Variants in MED26 observed in about 807,000 individuals in gnomAD.
MED26 encodes mediator complex subunit 26, also known as mediator of RNA polymerase II transcription subunit 26.
A neutral mutation model predicts 43.7 loss-of-function variants in MED26; 7 were observed. The observed-to-expected ratio is 0.16, with a 90% CI of 0.09 to 0.30. The LOEUF (loss-of-function observed/expected upper bound fraction) is 0.30. MED26 is among the 10% of genes least tolerant of loss of function. MED26 has a pLI of 1.00. For synonymous variants in MED26, 375 were observed against 371.1 expected (o/e 1.01, Z -0.12); for missense variants, 784 against 840.6 (o/e 0.93, Z 0.83).
chr19:16,607,057 G>T (rs951550144), intron 1 of MED26, among the ~76,000 whole-genome samples: 9 of 152,068 alleles, frequency 5.9e-5, no homozygotes, highest in Non-Finnish European at 1.3e-4. Context: ...AAATAAGAAC[G>T]TTGGCCAGGC....
chr19:16,592,528 T>C (rs746451833), intron 1 of MED26, among the ~76,000 whole-genome samples: 4 of 152,160 alleles, frequency 2.6e-5, no homozygotes, highest in Non-Finnish European at 4.4e-5. Flanking sequence ...TCCCAGAGGA[T>C]GTTAGCAAAT....
intron 1 of MED26, among the ~76,000 whole-genome samples, chr19:16,619,409 A>G (rs919993452): frequency 5.9e-5 from 9 of 152,316 alleles, no homozygotes; most frequent in Non-Finnish European, 1.3e-4. Context: ...GGGAACGAGG[A>G]TGTGGCCACC....
At chr19:16,598,242 C>A (rs2086131432) in intron 1 of MED26, among the ~76,000 whole-genome samples, 1 of 144,282 alleles carries the variant, frequency 6.9e-6, no homozygotes, top group African/African-American at 2.6e-5. Flanking sequence ...GAAGCTGACG[C>A]AGGAGAATGG....
chr19:16,575,893 C>T lies in MED26; in HGVS notation c.*134G>A. On this transcript the variant is annotated 3_prime_UTR_variant, in exon 3 of 3. Coordinates refer to ENST00000263390, the MANE Select transcript of MED26 (RefSeq NM_004831.5). Reference sequence around the variant, plus strand: ...CAGAGAGACCGCGTGACTCCCGCCCCCTCCCTCCCGCCTGGGCCGGACTCC... The same window carrying T: ...CAGAGAGACCGCGTGACTCCCGCCCTCTCCCTCCCGCCTGGGCCGGACTCC... The T allele has an allele frequency of 2.8e-6, 2 of 716,796 alleles. No homozygotes were observed. The highest frequency in any genetic ancestry group is 3.7e-5 in the South Asian group (2 of 54,598). 44.4% of individuals were successfully genotyped at this position (716,796 alleles called of 1,614,324 possible).
intron 1 of MED26, chr19:16,612,169 C>T (rs138596405): frequency 4.6e-5 from 7 of 152,342 alleles, no homozygotes; most frequent in African/African-American, 1.4e-4. Flanking sequence ...GATTACCCAC[C>T]AAGGCCATTC....
intron 1 of MED26, among the ~76,000 whole-genome samples, chr19:16,580,191 C>T (rs1000766662): frequency 1.3e-5 from 2 of 152,184 alleles, no homozygotes; most frequent in African/African-American, 4.8e-5. Flanking sequence ...ACATCCTTGC[C>T]AAGACTGCGT....
At chr19:16,592,637 AGT>A (rs1480031173) in intron 1 of MED26, among the ~76,000 whole-genome samples, 1 of 152,196 alleles carries the variant, frequency 6.6e-6, no homozygotes, top group Non-Finnish European at 1.5e-5. Flanking sequence ...CTTCATAACC[AGT>A]GTCCCCACCT....
Position 16,576,926 on chromosome 19 carries a change from G to A in MED26, c.904C>T (p.Pro302Ser). ...GTGGCATCGAGTGCCTGGGGCCGCG[G>A]TGAGGGGCTGGGCACGGAGCCCTTG... is the stretch of plus-strand genomic sequence containing the variant. ...APKGSVPSPSPRPQALDATQV... is the reference protein window; with the variant it reads ...APKGSVPSPSSRPQALDATQV... The change falls in exon 3 of 3, where the codon CCG (proline) becomes TCG (serine). Residue 302 changes from proline to serine, a missense_variant. Physicochemically the swap from Pro to Ser is moderately conservative, Grantham distance 74 (BLOSUM62 -1). This residue lies in a region of MED26 where 719 missense variants were observed against 730.9 expected (regional missense o/e 0.98). Transcript: ENST00000263390. The surrounding 1 kb of genome is among the most constrained non-coding windows in gnomAD (Gnocchi z 6.8). 6.3e-7 allele frequency: 1 copy of A among 1,596,716 alleles called. No homozygotes were observed. The highest frequency in any genetic ancestry group is 8.5e-7 in the Non-Finnish European group (1 of 1,169,958).
intron 1 of MED26, among the ~76,000 whole-genome samples, chr19:16,608,930 G>A (rs2086186250): frequency 6.6e-6 from 1 of 152,176 alleles, no homozygotes; most frequent in Non-Finnish European, 1.5e-5. Context: ...ATTACATTGG[G>A]AACAGGACAA....
intron 1 of MED26, among the ~76,000 whole-genome samples, chr19:16,584,353 G>A (rs562116623): frequency 6.7e-6 from 1 of 149,856 alleles, no homozygotes; most frequent in South Asian, 2.1e-4. Flanking sequence ...AAAGGCTTCC[G>A]GAAAGGCTGG....
chr19:16,626,332 G>A (rs1311971028), intron 1 of MED26, among the ~76,000 whole-genome samples: 2 of 152,140 alleles, frequency 1.3e-5, no homozygotes, highest in Non-Finnish European at 2.9e-5. Context: ...CATGTCACTA[G>A]TTTTATCCTC....
At chr19:16,606,990 C>T (rs1301556581) in intron 1 of MED26, among the ~76,000 whole-genome samples, 4 of 152,112 alleles carry the variant, frequency 2.6e-5, no homozygotes, top group Non-Finnish European at 5.9e-5. Flanking sequence ...CCCAAAGTGT[C>T]GGGATTACAA....
At chr19:16,612,488 G>T (rs1440804006) in intron 1 of MED26, among the ~76,000 whole-genome samples, 1 of 151,450 alleles carries the variant, frequency 6.6e-6, no homozygotes, top group Admixed American at 6.6e-5. Context: ...GTGTCACTAT[G>T]TTGCCAAGGT....
chr19:16,609,313 A>G (rs1455580147), intron 1 of MED26, among the ~76,000 whole-genome samples: 1 of 134,146 alleles, frequency 7.5e-6, no homozygotes, highest in Non-Finnish European at 1.5e-5. Context: ...CTCCGTCTCA[A>G]AAAAAAAAAA....
At position 16,628,114 on chromosome 19, in the gene MED26, G is replaced by A. The variant is rs2086292298; in HGVS notation, c.-171C>T. ...GAGAGGGGAGCCGGGGCCGGGTCTC[G>A]GTCCCGGGCCGCCGCCGCCACCAAA... On this transcript the variant is annotated 5_prime_UTR_variant, in exon 1 of 3. Transcript: ENST00000263390. 6 of 377,234 alleles carry A rather than the reference G, an allele frequency of 1.6e-5. No individual in the cohort carries two copies. The South Asian group carries it at 6.2e-4, about 39-fold the overall frequency. The allele number at this position is 377,234 out of a possible 1,614,324, so 23.4% of individuals were successfully genotyped here.
chr19:16,609,311 CAAAAA>C lies in MED26; in HGVS notation c.72+18556_72+18560del, dbSNP rs777358965. Among the ~76,000 whole-genome samples, 204 of 25,018 alleles carry C rather than the reference CAAAAA, an allele frequency of 8.2e-3. 3 individuals are homozygous for C. The highest frequency in any genetic ancestry group is 0.023 in the African/African-American group (200 of 8,752). The allele number at this position is 25,018 out of a possible 152,430, so 16.4% of individuals were successfully genotyped here. ...TGGGTGACAGAGCGAGACTCCGTCT[CAAAAA>C]AAAAAAAAAAAAAAAAAAAAAGAGA... On this transcript the variant is annotated intron_variant, in intron 1 of 2. Coordinates refer to ENST00000263390, the MANE Select transcript of MED26 (RefSeq NM_004831.5).
At position 16,577,812 on chromosome 19, in the gene MED26, C is replaced by T. The variant is rs1471470528; in HGVS notation, c.148-130G>A. The T allele has an allele frequency of 6.3e-6, 4 of 632,408 alleles. No homozygotes were observed. The African/African-American group carries it at 7.5e-5, about 12-fold the overall frequency. The allele number at this position is 632,408 out of a possible 1,614,324, so 39.2% of individuals were successfully genotyped here. ...CCACTGAGCCCTAAACTGCCAGCTT[C>T]CCTGACACAAAACTTCTGGGGATTT... On this transcript the variant is annotated intron_variant, in intron 2 of 2. Coordinates refer to ENST00000263390, the MANE Select transcript of MED26 (RefSeq NM_004831.5). This position sits in a 1 kb window ranked among gnomAD's most constrained non-coding sequence, Gnocchi z 8.1.
At position 16,608,928 on chromosome 19, in the gene MED26, G is replaced by A. The variant is rs550653208; in HGVS notation, c.72+18944C>T. ...GTGTCATGCCTGAAGTCATTACATT[G>A]GGAACAGGACAATTGAGAAAATATT... On this transcript the variant is annotated intron_variant, in intron 1 of 2. Transcript: ENST00000263390. 3.1e-3 allele frequency among the ~76,000 whole-genome samples: 473 copies of A among 152,310 alleles called. 4 individuals are homozygous for A. Among genetic ancestry groups the A allele is most frequent in the African/African-American group, 0.011 (450 of 41,558 alleles).
rs1455206797 is a variant in MED26 at position 16,587,694 on chromosome 19, T to G, written c.73-9285A>C. 1 of 152,308 alleles carries G rather than the reference T, an allele frequency of 6.6e-6. No homozygotes were observed. The highest frequency in any genetic ancestry group is 1.9e-4 in the East Asian group (1 of 5,208). The allele number at this position is 152,308 out of a possible 1,614,324, so 9.4% of individuals were successfully genotyped here. A position where few individuals can be genotyped will look rare whatever the true frequency, so the allele number is the denominator to read the frequency against. On this transcript the variant is annotated intron_variant, in intron 1 of 2. Coordinates refer to ENST00000263390, the MANE Select transcript of MED26 (RefSeq NM_004831.5). This position sits in a 1 kb window ranked among gnomAD's most constrained non-coding sequence, Gnocchi z 4.9. ...AGCAGCCGGCCACCTGAGTGGTCTG[T>G]CATGTCCATGTGGCCCTCCCTGTCC...
Sources: allele counts gnomAD v4.1 joint callset (sites outside exome capture counted in the v4.1 genomes callset), GRCh38; gene constraint gnomAD v4.1.1; regional missense constraint gnomAD v4.1.1; non-coding constraint Gnocchi (gnomAD v3.1); transcripts MANE v1.5; gene names NCBI Gene and HGNC (gene_info 2026-07-23, HGNC 2026-07-21).